The following IL34 variants were observed in gnomAD, a reference collection of about 807,000 sequenced individuals.
IL34 encodes the protein interleukin 34, also known as interleukin-34.
A neutral mutation model predicts 25.3 loss-of-function variants in IL34; 17 were observed. That is an observed-to-expected ratio of 0.67 (90% CI 0.46 to 1.01). IL34 has a LOEUF of 1.01. IL34 is among the 50% of genes least tolerant of loss of function. IL34 has a pLI of 0.00. For missense variants in IL34, 368 were observed against 312.9 expected (o/e 1.18, Z -1.33); for synonymous variants, 174 against 140.9 (o/e 1.23, Z -1.66).
intron 1 of IL34, among the ~76,000 whole-genome samples, chr16:70,603,776 C>A (rs150613796): frequency 6.6e-6 from 1 of 151,838 alleles, no homozygotes; most frequent in East Asian, 1.9e-4. Context: ...GAGACGGGTT[C>A]TCATCATGTT....
chr16:70,646,562 C>G lies in IL34; in HGVS notation c.-386C>G, dbSNP rs756133905. 6.5e-4 allele frequency: 165 copies of G among 255,086 alleles called. 2 individuals carry two copies. The highest frequency in any genetic ancestry group is 5.4e-4 in the Non-Finnish European group (73 of 135,528). The allele number at this position is 255,086 out of a possible 1,614,324, so 15.8% of individuals were successfully genotyped here. A position where few individuals can be genotyped will look rare whatever the true frequency, so the allele number is the denominator to read the frequency against. ...TCTCTTCCTAGAGCCAGATTTCACA[C>G]TGAGCAGCTGCAGTCGGAGAAATCA... is the stretch of plus-strand genomic sequence containing the variant. On this transcript the variant is annotated 5_prime_UTR_variant, in exon 1 of 6. Transcript: ENST00000288098.
chr16:70,640,321 T>A (rs371688773), intron 1 of IL34, among the ~76,000 whole-genome samples: 5 of 152,116 alleles, frequency 3.3e-5, no homozygotes, highest in East Asian at 3.9e-4. Context: ...TTGTATTTTT[T>A]ATTTTTGTAG....
intron 1 of IL34, among the ~76,000 whole-genome samples, chr16:70,591,455 G>C (rs1252886154): frequency 6.6e-6 from 1 of 151,794 alleles, no homozygotes; most frequent in Non-Finnish European, 1.5e-5. Flanking sequence ...TGTAGTCCCA[G>C]CTACTCAGGA....
intron 4 of IL34, among the ~76,000 whole-genome samples, chr16:70,657,556 G>C (rs1467314548): frequency 6.6e-6 from 1 of 152,086 alleles, no homozygotes; most frequent in Non-Finnish European, 1.5e-5. Context: ...CACTTTGGGA[G>C]GCCGAGGTCA....
At chr16:70,633,050 G>A (rs573604979) in intron 1 of IL34, among the ~76,000 whole-genome samples, 99 of 152,110 alleles carry the variant, frequency 6.5e-4, no homozygotes, top group African/African-American at 2.2e-3. Context: ...CTGCAGCCTC[G>A]ACCTCCTGGG....
chr16:70,600,430 TA>T (rs1175479845), intron 1 of IL34, among the ~76,000 whole-genome samples: 2 of 152,188 alleles, frequency 1.3e-5, no homozygotes, highest in Non-Finnish European at 2.9e-5. Flanking sequence ...AGGATGGTGC[TA>T]GGCACATGGC....
intron 4 of IL34, among the ~76,000 whole-genome samples, chr16:70,658,354 A>G (rs1375997460): frequency 6.6e-6 from 1 of 151,980 alleles, no homozygotes; most frequent in Non-Finnish European, 1.5e-5. Flanking sequence ...TTATTGTTTT[A>G]GAGATGGGGG....
intron 1 of IL34, among the ~76,000 whole-genome samples, chr16:70,631,615 C>T (rs10163436): frequency 0.016 from 2,498 of 152,216 alleles, 74 homozygotes; most frequent in African/African-American, 0.058. Context: ...TTGGGACTCA[C>T]TTCCCTAGTT....
intron 1 of IL34, 36 bp downstream of exon 1, chr16:70,647,011 G>A: frequency 1.4e-6 from 2 of 1,437,650 alleles, no homozygotes; most frequent in Non-Finnish European, 1.8e-6. Flanking sequence ...CCTGCATTGG[G>A]AGGCCTTGGC....
chr16:70,621,252 C>T (rs2051275523), intron 1 of IL34, among the ~76,000 whole-genome samples: 1 of 152,124 alleles, frequency 6.6e-6, no homozygotes, highest in African/African-American at 2.4e-5. Flanking sequence ...AGAGAGGCGT[C>T]CCTGCAATGA....
chr16:70,641,812 C>T (rs962431012), upstream of IL34, among the ~76,000 whole-genome samples: 1 of 90 alleles, frequency 0.011, no homozygotes, highest in Admixed American at 0.1. Context: ...AGCAATCCAC[C>T]CCCCCGCAAC....
chr16:70,620,935 C>G (rs993618102), intron 1 of IL34, among the ~76,000 whole-genome samples: 37 of 152,148 alleles, frequency 2.4e-4, no homozygotes, highest in African/African-American at 7.5e-4. Flanking sequence ...GTGAAGGAGG[C>G]AAGCCCAGAG....
chr16:70,605,798 G>A lies in IL34; in HGVS notation c.-401+25749G>A, dbSNP rs533747925. ...CGATTTTCCTGCCTCAGCCTCCTGA[G>A]TAGCCGGGATTACAGGTGCCCGTCA... On this transcript the variant is annotated intron_variant, in intron 1 of 6. Coordinates refer to the IL34 transcript ENST00000429149. 7.9e-5 allele frequency among the ~76,000 whole-genome samples: 12 copies of A among 151,858 alleles called. No homozygotes were observed. The South Asian group carries it at 2.3e-3, about 29-fold the overall frequency.
intron 1 of IL34, among the ~76,000 whole-genome samples, chr16:70,585,008 T>C (rs1242120998): frequency 6.6e-6 from 1 of 152,118 alleles, no homozygotes; most frequent in Non-Finnish European, 1.5e-5. Flanking sequence ...GCCATCTTAA[T>C]TATTTTTAAG....
At chr16:70,589,178 C>T (rs1277243418) in intron 1 of IL34, among the ~76,000 whole-genome samples, 1 of 151,826 alleles carries the variant, frequency 6.6e-6, no homozygotes, top group Non-Finnish European at 1.5e-5. Context: ...GTCTGGGGAA[C>T]ATAGTGAGAC....
rs147603109 is a variant in IL34, at chr16:70,621,227, C to T, written c.-400-25321C>T. ...CCTGCATGGTCTGACACCCTTGAAGCGTGCCTGTATAATCAGAGAGGCGTC... is the reference window on the plus strand; with the variant it reads ...CCTGCATGGTCTGACACCCTTGAAGTGTGCCTGTATAATCAGAGAGGCGTC... On this transcript the variant is annotated intron_variant, in intron 1 of 6. Transcript: ENST00000429149. Among the ~76,000 whole-genome samples the T allele has an allele frequency of 2.5e-3, 374 of 152,174 alleles. 3 individuals carry two copies. The highest frequency in any genetic ancestry group is 8.3e-3 in the African/African-American group (343 of 41,514).
chr16:70,639,100 C>A (rs770017255), intron 1 of IL34, among the ~76,000 whole-genome samples: 1 of 152,204 alleles, frequency 6.6e-6, no homozygotes, highest in Non-Finnish European at 1.5e-5. Context: ...TGAGAACACT[C>A]CAGCTTGGGA....
At chr16:70,658,811 G>A (rs184116691) in intron 4 of IL34, among the ~76,000 whole-genome samples, 1 of 152,238 alleles carries the variant, frequency 6.6e-6, no homozygotes, top group Admixed American at 6.5e-5. Context: ...TTCCATGTCT[G>A]TCACCTTTCT....
rs190310218 is a variant in IL34 at position 70,615,456 on chromosome 16, G to A, written c.-400-31092G>A. Among the ~76,000 whole-genome samples the A allele has an allele frequency of 2.3e-3, 351 of 152,124 alleles. 1 individual carries two copies. Among genetic ancestry groups the A allele is most frequent in the Non-Finnish European group, 3.8e-3 (258 of 68,004 alleles). On this transcript the variant is annotated intron_variant, in intron 1 of 6. Coordinates refer to the IL34 transcript ENST00000429149. ...TGGGAGGTGGAGGTTGCAGTAAGCCGAGATTGCGCCACTGCACTCCAGCCT... is the reference window on the plus strand; with the variant it reads ...TGGGAGGTGGAGGTTGCAGTAAGCCAAGATTGCGCCACTGCACTCCAGCCT...
Sources: allele counts gnomAD v4.1 joint callset (sites outside exome capture counted in the v4.1 genomes callset), GRCh38; gene constraint gnomAD v4.1.1; transcripts MANE v1.5; gene names NCBI Gene and HGNC (gene_info 2026-07-23, HGNC 2026-07-21).